NOS1: variants seen among roughly 807,000 people sequenced by gnomAD.
NOS1 encodes NOS type I.
A neutral mutation model predicts 164.5 loss-of-function variants in NOS1; 51 were observed. That is an observed-to-expected ratio of 0.31 (90% CI 0.25 to 0.39). NOS1 has a LOEUF of 0.39. NOS1 is among the 10% of genes least tolerant of loss of function. The probability of loss-of-function intolerance (pLI) is 1.00; values close to 1 mark genes in which losing one functional copy is unlikely to be tolerated. For missense variants in NOS1, 1,362 were observed against 1,885.6 expected, an observed-to-expected ratio of 0.72 and a Z score of 5.14; for synonymous variants, 719 against 745.8, an observed-to-expected ratio of 0.96 and a Z score of 0.59.
intron 3 of NOS1, among the ~76,000 whole-genome samples, chr12:117,296,432 G>A (rs558468688): frequency 2.6e-4 from 39 of 152,284 alleles, no homozygotes; most frequent in African/African-American, 7.5e-4. Flanking sequence ...AGCTGCCAGT[G>A]CAGCCAGAAG....
chr12:117,259,899 C>T (rs941329146), intron 14 of NOS1, among the ~76,000 whole-genome samples: 58 of 152,088 alleles, frequency 3.8e-4, no homozygotes, highest in African/African-American at 1.3e-3. Flanking sequence ...GCGGGCGAAT[C>T]AAGAGGTCAG....
In NOS1 at chr12:117,247,412, C is replaced by T. The variant is rs1870705646; in HGVS notation, c.2759G>A (p.Arg920Lys). 1 of 1,612,778 alleles carries T rather than the reference C, an allele frequency of 6.2e-7. No individual in the cohort carries two copies. Among genetic ancestry groups the T allele is most frequent in the East Asian group, 2.2e-5 (1 of 44,728 alleles). ...CTGCCCACAGAGCTCATCCCCTTCC[C>T]TCATCTTCAGGATCCTCTCCCCTCC... The part of the protein sequence containing the change: ...ELGGERILKM[R>K]EGDELCGQEE... The change falls in exon 18 of 29, where the codon AGG becomes AAG. Residue 920 changes from arginine to lysine, a missense_variant. Arg to Lys is a conservative substitution (Grantham distance 26). Transcript: ENST00000317775.
At chr12:117,253,208 AG>A (rs1264420790) in intron 17 of NOS1, among the ~76,000 whole-genome samples, 30 of 152,190 alleles carry the variant, frequency 2.0e-4, no homozygotes, top group Admixed American at 3.9e-4. Context: ...TTATTGTATT[AG>A]TACACTGCAA....
In NOS1 at chr12:117,216,887, CAAAG is replaced by C. The variant is rs1021419440; in HGVS notation, c.4289+1155_4289+1158del. Reference sequence around the variant, plus strand: ...CTGCTGTGTCATCGTAAGGGGAAAACAAAGAAGATGCCAAATTCAAGAAATGAGT... The same window carrying C: ...CTGCTGTGTCATCGTAAGGGGAAAACAAGATGCCAAATTCAAGAAATGAGT... On this transcript the variant is annotated intron_variant, in intron 28 of 28. Transcript: ENST00000317775. 3.3e-5 allele frequency among the ~76,000 whole-genome samples: 5 copies of C among 152,084 alleles called. No homozygotes were observed. The South Asian group carries it at 6.2e-4, about 19-fold the overall frequency.
chr12:117,219,144 A>G (rs1592921256), intron 27 of NOS1, among the ~76,000 whole-genome samples: 1 of 151,458 alleles, frequency 6.6e-6, no homozygotes, highest in East Asian at 1.9e-4. Context: ...ACGCCCAGCT[A>G]ATTTTTGTAT....
Position 117,260,556 on chromosome 12 carries a change from T to C in NOS1, c.2276A>G (p.Lys759Arg), listed in dbSNP as rs765920162. 9.9e-6 allele frequency: 16 copies of C among 1,614,122 alleles called. No homozygotes were observed. The highest frequency in any genetic ancestry group is 1.4e-5 in the Non-Finnish European group (16 of 1,179,998). Residue 759 changes from lysine to arginine, a missense_variant, in exon 14 of 29, where the codon AAA becomes AGA. This residue lies in a region of NOS1 where 737 missense variants were observed against 1,030.3 expected (regional missense o/e 0.72). Coordinates refer to ENST00000317775, the MANE Select transcript of NOS1 (RefSeq NM_000620.5). The part of the protein sequence containing the change: ...LMGQAMAKRV[K>R]ATILYATETG... Reference sequence around the variant, plus strand: ...CTCTGTGGCATAGAGGATGGTCGCTTTCACCCTCTTGGCCATAGCCTGCCC... The same window carrying C: ...CTCTGTGGCATAGAGGATGGTCGCTCTCACCCTCTTGGCCATAGCCTGCCC...
At chr12:117,305,664 G>T (rs1014455067) in intron 3 of NOS1, among the ~76,000 whole-genome samples, 1 of 152,054 alleles carries the variant, frequency 6.6e-6, no homozygotes, top group African/African-American at 2.4e-5. Flanking sequence ...TTTCCTTTGC[G>T]CTGGAGCTGG....
chr12:117,334,013 G>C (rs1203500483), intron 1 of NOS1, among the ~76,000 whole-genome samples: 5 of 152,212 alleles, frequency 3.3e-5, no homozygotes, highest in African/African-American at 1.2e-4. Flanking sequence ...CTCTTGGGGA[G>C]GCAAGGCCCC....
chr12:117,247,620 A>T, intron 17 of NOS1, 98 bp from the exon 18 acceptor site: 1 of 1,048,996 alleles, frequency 9.5e-7, no homozygotes, highest in Non-Finnish European at 1.3e-6. Context: ...CAAATTTCAT[A>T]TATTAAAACT....
At chr12:117,223,693 T>G (rs1210622356) in intron 25 of NOS1, among the ~76,000 whole-genome samples, 2 of 151,972 alleles carry the variant, frequency 1.3e-5, no homozygotes, top group African/African-American at 2.4e-5. Flanking sequence ...TCACTCTTGT[T>G]GCCCAAGGTG....
chr12:117,258,490 T>A (rs997728996), intron 15 of NOS1, 35 bp from the exon 16 acceptor site: 9 of 1,607,978 alleles, frequency 5.6e-6, no homozygotes, highest in Non-Finnish European at 7.7e-6. Flanking sequence ...AATTAGCACA[T>A]CTTAGTAAAT....
chr12:117,233,395 G>T (rs1349177336), intron 21 of NOS1, among the ~76,000 whole-genome samples: 1 of 151,012 alleles, frequency 6.6e-6, no homozygotes, highest in African/African-American at 2.4e-5. Flanking sequence ...ATGCAGTTTT[G>T]CCATGTTGCC....
In NOS1 at chr12:117,355,677, G is replaced by T. The variant is rs116757670; in HGVS notation, c.-421+5835C>A. 8.4e-3 allele frequency among the ~76,000 whole-genome samples: 1,277 copies of T among 152,218 alleles called. 17 individuals carry two copies. Among genetic ancestry groups the T allele is most frequent in the African/African-American group, 0.029 (1,204 of 41,510 alleles). On this transcript the variant is annotated intron_variant, in intron 1 of 28. Transcript: ENST00000317775. ...AGTTCCAACTCCATTTCACAGATAA[G>T]AAAACAGAGGCTGAGCAAGAGAAAG... is the stretch of plus-strand genomic sequence containing the variant.
At chr12:117,225,825 C>T (rs375033196) in intron 24 of NOS1, among the ~76,000 whole-genome samples, 3 of 152,116 alleles carry the variant, frequency 2.0e-5, no homozygotes, top group African/African-American at 4.8e-5. Context: ...GATGGGGTTT[C>T]GCCATGTTGG....
chr12:117,214,356 T>A lies in NOS1; in HGVS notation c.*953A>T, dbSNP rs1238935972. On this transcript the variant is annotated 3_prime_UTR_variant, in exon 29 of 29. Transcript: ENST00000317775. ...GTCATCCAGTGGCAAAGTGGGAAGA[T>A]CCTTATTGCCACCAGGCTTCTTTGA... The A allele has an allele frequency of 5.1e-6, 5 of 985,336 alleles. No individual in the cohort carries two copies. Among genetic ancestry groups the A allele is most frequent in the Non-Finnish European group, 6.0e-6 (5 of 829,920 alleles). The allele number at this position is 985,336 out of a possible 1,614,324, so 61.0% of individuals were successfully genotyped here. A position where few individuals can be genotyped will look rare whatever the true frequency, so the allele number is the denominator to read the frequency against.
At chr12:117,260,639 G>C in intron 13 of NOS1, 30 bp from the exon 14 acceptor site, 1 of 1,599,766 alleles carries the variant, frequency 6.3e-7, no homozygotes, top group Non-Finnish European at 8.6e-7. Flanking sequence ...GATGAAAAAT[G>C]GGCAACAGAA....
At chr12:117,340,335 A>G (rs1566083457) in intron 1 of NOS1, among the ~76,000 whole-genome samples, 1 of 152,100 alleles carries the variant, frequency 6.6e-6, no homozygotes, top group African/African-American at 2.4e-5. Context: ...TGTTTTTTGC[A>G]TCAATTTTAA....
At chr12:117,291,795 C>T (rs1046481489) in intron 3 of NOS1, among the ~76,000 whole-genome samples, 2 of 152,066 alleles carry the variant, frequency 1.3e-5, no homozygotes, top group African/African-American at 4.8e-5. Flanking sequence ...CTCAGCCTCC[C>T]AAAGTGTTGG....
intron 2 of NOS1, among the ~76,000 whole-genome samples, chr12:117,317,044 C>T (rs946520983): frequency 6.6e-6 from 1 of 152,088 alleles, no homozygotes; most frequent in East Asian, 1.9e-4. Context: ...CCAAGCCTTG[C>T]TAATTTTTGT....
Sources: gnomAD v4.1 joint callset for allele counts (sites outside exome capture counted in the v4.1 genomes callset) on GRCh38, gnomAD v4.1.1 for gene constraint, gnomAD v4.1.1 regional missense constraint, MANE v1.5 for transcripts, NCBI Gene and HGNC (gene_info 2026-07-23, HGNC 2026-07-21) for gene names.